RANBP2: variants seen among roughly 807,000 people sequenced by gnomAD.
RANBP2 encodes RAN binding protein 2.
Under a neutral mutation model 303.6 loss-of-function variants are expected in RANBP2, and 57 were observed. That is an observed-to-expected ratio of 0.19 (90% CI 0.15 to 0.23). The LOEUF (loss-of-function observed/expected upper bound fraction) is 0.23, where lower values mean the gene tolerates loss of function less well. Among genes scored for constraint, RANBP2 ranks in the 10% least tolerant of loss-of-function variants. The probability of loss-of-function intolerance (pLI) is 1.00; values close to 1 mark genes in which losing one functional copy is unlikely to be tolerated. For synonymous variants in RANBP2, 1,167 were observed against 1,301.5 expected (o/e 0.90, Z 2.23); for missense variants, 3,138 against 3,780.8 (o/e 0.83, Z 4.46).
At chr2:109,450,345 C>CAA in the RANBP2 span, among the ~76,000 whole-genome samples, 1 of 109,060 alleles carries the variant, frequency 9.2e-6, no homozygotes, top group African/African-American at 3.0e-5. Context: ...GACTGCATCT[C>CAA]AAAAAAAAAA....
the RANBP2 span, among the ~76,000 whole-genome samples, chr2:109,461,399 C>T: frequency 6.6e-6 from 1 of 151,884 alleles, no homozygotes; most frequent in African/African-American, 2.4e-5. Context: ...GGTGATCCAC[C>T]TGCCAAAGGC....
chr2:108,796,332 G>A, the RANBP2 span, among the ~76,000 whole-genome samples: 1 of 152,142 alleles, frequency 6.6e-6, no homozygotes, highest in Non-Finnish European at 1.5e-5. Flanking sequence ...GGGATTACAG[G>A]CGTGAGCCAC....
Position 108,768,325 on chromosome 2 carries a change from C to T in RANBP2, c.7786C>T (p.Leu2596Phe). Reference sequence around the variant, plus strand: ...GTCTTCAGATAGCAAAGTCAAAAATCTCTTTGCTTCCTTTCCAACGGAAGA... The same window carrying T: ...GTCTTCAGATAGCAAAGTCAAAAATTTCTTTGCTTCCTTTCCAACGGAAGA... ...EQSSDSKVKN[L>F]FASFPTEESS... is the part of the protein sequence containing the mutation. The change falls in exon 20 of 29, where the codon CTC becomes TTC. Residue 2596 changes from leucine (L) to phenylalanine (F), a missense_variant. Leu to Phe is a conservative substitution (Grantham distance 22). Around this residue, in one of 20 missense-constraint regions of RANBP2, gnomAD observed 497 missense variants for 465.8 expected, o/e 1.07. Coordinates refer to ENST00000283195, the MANE Select transcript of RANBP2 (RefSeq NM_006267.5). 6.2e-7 allele frequency: 1 copy of T among 1,611,972 alleles called. No individual in the cohort carries two copies. Among genetic ancestry groups the T allele is most frequent in the Non-Finnish European group, 8.5e-7 (1 of 1,179,852 alleles).
At chr2:109,540,798 C>A in the RANBP2 span, among the ~76,000 whole-genome samples, 625 of 131,016 alleles carry the variant, frequency 4.8e-3, no homozygotes, top group Non-Finnish European at 5.1e-3. Context: ...AAGACCCTGT[C>A]AAAAAAAAAA....
the RANBP2 span, among the ~76,000 whole-genome samples, chr2:109,727,440 C>G: frequency 6.6e-6 from 1 of 152,162 alleles, no homozygotes; most frequent in Non-Finnish European, 1.5e-5. Flanking sequence ...GTGGGTGGAG[C>G]TGGGACTCCA....
the RANBP2 span, among the ~76,000 whole-genome samples, chr2:109,191,491 A>G: frequency 1.3e-5 from 2 of 152,194 alleles, no homozygotes; most frequent in Admixed American, 6.5e-5. Context: ...TTCATCTTCC[A>G]TCCTCATTCT....
chr2:109,369,137 G>T, the RANBP2 span, among the ~76,000 whole-genome samples: 3 of 151,904 alleles, frequency 2.0e-5, no homozygotes, highest in Admixed American at 2.0e-4. Context: ...GAGGTCAGGG[G>T]ATCGAGACCA....
At chr2:109,124,020 A>AT in the RANBP2 span, among the ~76,000 whole-genome samples, 6 of 134,962 alleles carry the variant, frequency 4.4e-5, no homozygotes, top group East Asian at 9.1e-4. Context: ...TTATTTATTT[A>AT]TTATTTTTTT....
rs1329178183 is a variant in RANBP2 at position 108,751,942 on chromosome 2, A to G, written c.1703A>G (p.His568Arg). The G allele has an allele frequency of 1.9e-6, 3 of 1,612,030 alleles. No homozygotes were observed. Among genetic ancestry groups the G allele is most frequent in the Non-Finnish European group, 1.7e-6 (2 of 1,179,868 alleles). ...EINTLRAQEKHGLQPALLVHW... is the reference protein window; with the variant it reads ...EINTLRAQEKRGLQPALLVHW... ...AACACTCTAAGAGCCCAGGAAAAAC[A>G]TGGCCTTCAACCTGCTCTGCTTGTA... is the stretch of plus-strand genomic sequence containing the variant. The change falls in exon 12 of 29, where the codon CAT (histidine) becomes CGT (arginine). Residue 568 changes from histidine (H) to arginine (R), a missense_variant. Transcript: ENST00000283195.
intron 8 of RANBP2, among the ~76,000 whole-genome samples, chr2:108,747,590 C>G (rs1696614228): frequency 6.6e-6 from 1 of 152,044 alleles, no homozygotes; most frequent in Non-Finnish European, 1.5e-5. Context: ...TTCCTTTTCT[C>G]TTTTCCTTCT....
At chr2:109,456,891 C>T in the RANBP2 span, among the ~76,000 whole-genome samples, 9 of 152,206 alleles carry the variant, frequency 5.9e-5, no homozygotes, top group Non-Finnish European at 1.3e-4. Context: ...GGGCTCATGC[C>T]GCTGAGCCTT....
At chr2:109,717,227 AT>A in the RANBP2 span, among the ~76,000 whole-genome samples, 1 of 151,238 alleles carries the variant, frequency 6.6e-6, no homozygotes, top group Non-Finnish European at 1.5e-5. Flanking sequence ...ATGTATTTCA[AT>A]ATGCTTGCAA....
the RANBP2 span, among the ~76,000 whole-genome samples, chr2:109,250,260 A>T: frequency 1.3e-5 from 2 of 152,128 alleles, no homozygotes; most frequent in African/African-American, 4.8e-5. Context: ...GAATGTTTAG[A>T]ACTTTGGAAG....
intron 15 of RANBP2, among the ~76,000 whole-genome samples, chr2:108,754,620 G>A (rs1194759300): frequency 1.3e-5 from 2 of 151,344 alleles, no homozygotes; most frequent in African/African-American, 4.9e-5. Flanking sequence ...GTTAACAGAA[G>A]TAATAGAAAG....
the RANBP2 span, among the ~76,000 whole-genome samples, chr2:108,932,294 T>C: frequency 3.1e-3 from 476 of 152,062 alleles, 3 homozygotes; most frequent in African/African-American, 0.011. Flanking sequence ...TTTGGGAGGC[T>C]GAGACGGGCG....
chr2:108,900,277 T>A, the RANBP2 span, among the ~76,000 whole-genome samples: 4 of 152,220 alleles, frequency 2.6e-5, no homozygotes, highest in Admixed American at 2.0e-4. Flanking sequence ...AACTAAAGGC[T>A]GGGCCTGGTG....
the RANBP2 span, among the ~76,000 whole-genome samples, chr2:109,274,286 T>C: frequency 1.3e-5 from 2 of 152,188 alleles, no homozygotes; most frequent in Non-Finnish European, 2.9e-5. Flanking sequence ...AATTCCTAGG[T>C]GTGTGCCCAA....
chr2:108,777,311 TATAAC>T (rs367802106), intron 25 of RANBP2, 80 bp downstream of exon 25: 291,238 of 1,243,534 alleles, frequency 0.23, 37,383 homozygotes, highest in African/African-American at 0.34. Context: ...TGTTGCAGTA[TATAAC>T]TAAGTTAGAA....
At chr2:108,913,476 A>G in the RANBP2 span, among the ~76,000 whole-genome samples, 3 of 152,198 alleles carry the variant, frequency 2.0e-5, no homozygotes, top group African/African-American at 7.2e-5. Flanking sequence ...ATGTGTTAAT[A>G]CTTTTTCCAG....
Sources: gnomAD v4.1 joint callset for allele counts (sites outside exome capture counted in the v4.1 genomes callset) on GRCh38, gnomAD v4.1.1 for gene constraint, gnomAD v4.1.1 regional missense constraint, MANE v1.5 for transcripts, NCBI Gene and HGNC (gene_info 2026-07-23, HGNC 2026-07-21) for gene names.